Variants in DYNC2H1 observed in about 807,000 individuals in gnomAD.
The protein encoded by DYNC2H1 is cytoplasmic dynein 2 heavy chain 1.
Under a neutral mutation model 570.0 loss-of-function variants are expected in DYNC2H1, and 410 were observed. The ratio of observed to expected loss-of-function variants is 0.72; its 90% CI spans 0.66 to 0.78. DYNC2H1 has a LOEUF of 0.78. Among genes scored for constraint, DYNC2H1 ranks in the 30% least tolerant of loss-of-function variants. DYNC2H1 has a pLI of 0.00. For synonymous variants in DYNC2H1, 1,688 were observed against 1,677.6 expected (o/e 1.01, Z -0.15); for missense variants, 4,865 against 5,046.4 (o/e 0.96, Z 1.09).
intron 18 of DYNC2H1, among the ~76,000 whole-genome samples, chr11:103,144,836 G>T (rs903777270): frequency 6.6e-6 from 1 of 151,956 alleles, no homozygotes; most frequent in East Asian, 1.9e-4. Context: ...AGGCATACTG[G>T]CTAGTCTGTC....
intron 10 of DYNC2H1, among the ~76,000 whole-genome samples, chr11:103,122,458 A>G (rs1007162902): frequency 2.0e-5 from 3 of 152,196 alleles, no homozygotes; most frequent in African/African-American, 4.8e-5. Flanking sequence ...TAATCGGAGC[A>G]TGTTGCTAAG....
At chr11:103,233,523 G>A (rs916912138) in intron 60 of DYNC2H1, among the ~76,000 whole-genome samples, 24 of 151,918 alleles carry the variant, frequency 1.6e-4, no homozygotes, top group Admixed American at 1.4e-3. Flanking sequence ...TGTATTTTTA[G>A]TGGTAGATGT....
chr11:103,160,824 A>G lies in DYNC2H1; in HGVS notation c.4379-108A>G, dbSNP rs989582532. 1.9e-5 allele frequency: 10 copies of G among 523,380 alleles called. No individual in the cohort carries two copies. In the Admixed American group the frequency reaches 4.2e-4, roughly 22 times the overall value. The allele number at this position is 523,380 out of a possible 1,614,324, so 32.4% of individuals were successfully genotyped here. On this transcript the variant is annotated intron_variant, in intron 28 of 88. Coordinates refer to ENST00000375735, the MANE Select transcript of DYNC2H1 (RefSeq NM_001377.3). ...ATTATGTGGTATACATTATAATTTG[A>G]TTATTATATATGTTTTAGGGTATAT...
chr11:103,172,032 G>T (rs769374434), intron 34 of DYNC2H1, among the ~76,000 whole-genome samples: 14 of 152,242 alleles, frequency 9.2e-5, no homozygotes, highest in Non-Finnish European at 1.8e-4. Flanking sequence ...ACAGGAAGTT[G>T]TAAGAACTAA....
intron 77 of DYNC2H1, among the ~76,000 whole-genome samples, chr11:103,307,102 G>A (rs1258977350): frequency 6.6e-6 from 1 of 152,122 alleles, no homozygotes; most frequent in Admixed American, 6.5e-5. Context: ...AGAATAATAG[G>A]CAGAGGAAAT....
In DYNC2H1 at chr11:103,280,498, A is replaced by C; in HGVS notation, c.10761+85A>C. The C allele has an allele frequency of 8.3e-7, 1 of 1,200,990 alleles. No homozygotes were observed. The highest frequency in any genetic ancestry group is 2.5e-5 in the East Asian group (1 of 39,224). 74.4% of individuals were successfully genotyped at this position (1,200,990 alleles called of 1,614,324 possible). A position where few individuals can be genotyped will look rare whatever the true frequency, so the allele number is the denominator to read the frequency against. On this transcript the variant is annotated intron_variant, in intron 71 of 88. Transcript: ENST00000375735. The surrounding 1 kb of genome is among the most constrained non-coding windows in gnomAD (Gnocchi z 4.7). Reference sequence around the variant, plus strand: ...TTTATGTTTAGATTAGAAATTATTTAGGCTAGAAATTATATATCAACCTAT... The same window carrying C: ...TTTATGTTTAGATTAGAAATTATTTCGGCTAGAAATTATATATCAACCTAT...
intron 50 of DYNC2H1, among the ~76,000 whole-genome samples, chr11:103,202,825 C>G (rs918235101): frequency 3.3e-5 from 5 of 152,128 alleles, no homozygotes; most frequent in African/African-American, 4.8e-5. Flanking sequence ...GTTTTAAATA[C>G]TGTTACAATT....
chr11:103,241,601 A>G lies in DYNC2H1; in HGVS notation c.9820-2092A>G. 7.0e-7 allele frequency: 1 copy of G among 1,433,120 alleles called. No individual in the cohort carries two copies. The highest frequency in any genetic ancestry group is 1.8e-5 in the Admixed American group (1 of 54,072). 88.8% of individuals were successfully genotyped at this position (1,433,120 alleles called of 1,614,324 possible). ...TTACTTTTGTAGTTAGGCAAAATGC[A>G]GAATTGTGAAATGTGTGCTATTGAA... On this transcript the variant is annotated intron_variant, in intron 63 of 88. Coordinates refer to ENST00000375735, the MANE Select transcript of DYNC2H1 (RefSeq NM_001377.3). This position sits in a 1 kb window ranked among gnomAD's most constrained non-coding sequence, Gnocchi z 5.1.
chr11:103,111,000 G>A (rs1386931254), intron 1 of DYNC2H1, among the ~76,000 whole-genome samples: 1 of 152,040 alleles, frequency 6.6e-6, no homozygotes, highest in Admixed American at 6.5e-5. Flanking sequence ...CTAATTTTTT[G>A]CAATTAGTAG....
chr11:103,388,151 G>A (rs12292470), intron 83 of DYNC2H1, among the ~76,000 whole-genome samples: 12 of 152,028 alleles, frequency 7.9e-5, no homozygotes, highest in East Asian at 5.8e-4. Flanking sequence ...AATGTTCTTC[G>A]ATTTGTTTGT....
intron 63 of DYNC2H1, among the ~76,000 whole-genome samples, chr11:103,242,353 T>C (rs1864454758): frequency 6.6e-6 from 1 of 152,096 alleles, no homozygotes; most frequent in Admixed American, 6.6e-5. Flanking sequence ...GTGAATGTAG[T>C]TTTTCTTTCT....
rs936439267 is a variant in DYNC2H1 at position 103,277,157 on chromosome 11, C to T, written c.10696-3191C>T. 6.6e-6 allele frequency among the ~76,000 whole-genome samples: 1 copy of T among 151,942 alleles called. No individual in the cohort carries two copies. Among genetic ancestry groups the T allele is most frequent in the Non-Finnish European group, 1.5e-5 (1 of 67,942 alleles). On this transcript the variant is annotated intron_variant, in intron 70 of 88. Transcript: ENST00000375735. The surrounding 1 kb of genome is among the most constrained non-coding windows in gnomAD (Gnocchi z 4.3). ...TCAGTCTCTCCCCAACTTGTTACCCCCTTTTAGACCTTATATAACAGGTGT... is the reference window on the plus strand; with the variant it reads ...TCAGTCTCTCCCCAACTTGTTACCCTCTTTTAGACCTTATATAACAGGTGT...
intron 84 of DYNC2H1, among the ~76,000 whole-genome samples, chr11:103,410,529 C>T (rs931167076): frequency 6.6e-6 from 1 of 152,098 alleles, no homozygotes; most frequent in Non-Finnish European, 1.5e-5. Context: ...GGATATAAAG[C>T]ACCGCCAAGT....
chr11:103,132,434 GC>G (rs2134764874), intron 13 of DYNC2H1, among the ~76,000 whole-genome samples: 1 of 152,060 alleles, frequency 6.6e-6, no homozygotes, highest in African/African-American at 2.4e-5. Context: ...TATGATGGCT[GC>G]CTTAAAATCC....
chr11:103,168,605 G>T, intron 31 of DYNC2H1, 150 bp from the exon 32 acceptor site: 2 of 748,812 alleles, frequency 2.7e-6, no homozygotes, highest in Non-Finnish European at 4.0e-6. Context: ...GACTTTTTTA[G>T]CTTATGTGAT....
chr11:103,428,933 A>G (rs1000228407), intron 84 of DYNC2H1, among the ~76,000 whole-genome samples: 1 of 152,064 alleles, frequency 6.6e-6, no homozygotes, highest in Non-Finnish European at 1.5e-5. Flanking sequence ...TAACAGTGTA[A>G]TCTCTTAAGA....
intron 28 of DYNC2H1, among the ~76,000 whole-genome samples, chr11:103,160,210 T>G (rs1009613977): frequency 6.6e-6 from 1 of 152,140 alleles, no homozygotes; most frequent in Non-Finnish European, 1.5e-5. Context: ...ATAATATAGT[T>G]TTTTTGTGAA....
At position 103,157,387 on chromosome 11, in the gene DYNC2H1, G is replaced by A. The variant is rs1388811413; in HGVS notation, c.4127+617G>A. Reference sequence around the variant, plus strand: ...CAAATCTACCAAACATGCTCAAATAGTAGGCTAAAACTGAATCCATGAGCT... The same window carrying A: ...CAAATCTACCAAACATGCTCAAATAATAGGCTAAAACTGAATCCATGAGCT... On this transcript the variant is annotated intron_variant, in intron 26 of 88. Coordinates refer to ENST00000375735, the MANE Select transcript of DYNC2H1 (RefSeq NM_001377.3). This position sits in a 1 kb window ranked among gnomAD's most constrained non-coding sequence, Gnocchi z 4.2. Among the ~76,000 whole-genome samples, 2 of 152,218 alleles carry A rather than the reference G, an allele frequency of 1.3e-5. No individual in the cohort carries two copies. The highest frequency in any genetic ancestry group is 2.9e-5 in the Non-Finnish European group (2 of 68,044).
intron 84 of DYNC2H1, among the ~76,000 whole-genome samples, chr11:103,435,649 T>C (rs1272305559): frequency 6.6e-6 from 1 of 152,136 alleles, no homozygotes; most frequent in Admixed American, 6.6e-5. Context: ...ATTTGTCAAA[T>C]TTAATTTGAG....
Sources: allele counts gnomAD v4.1 joint callset (sites outside exome capture counted in the v4.1 genomes callset), GRCh38; gene constraint gnomAD v4.1.1; non-coding constraint Gnocchi (gnomAD v3.1); transcripts MANE v1.5; gene names NCBI Gene and HGNC (gene_info 2026-07-23, HGNC 2026-07-21).